SNAP25: variants seen among roughly 807,000 people sequenced by gnomAD.
SNAP25 encodes the protein synaptosome associated protein 25, also known as synaptosomal-associated protein 25.
A neutral mutation model predicts 28.7 loss-of-function variants in SNAP25; 3 were observed. The ratio of observed to expected loss-of-function variants is 0.10; its 90% CI spans 0.05 to 0.27. The LOEUF (loss-of-function observed/expected upper bound fraction) is 0.27, where lower values mean the gene tolerates loss of function less well. Ranked by LOEUF, SNAP25 falls within the 10% of genes least tolerant of loss-of-function variation. The probability of loss-of-function intolerance (pLI) is 1.00; values close to 1 mark genes in which losing one functional copy is unlikely to be tolerated. For missense variants in SNAP25, 117 were observed against 278.7 expected (o/e 0.42, Z 4.13); for synonymous variants, 61 against 88.1 (o/e 0.69, Z 1.72).
Position 10,306,620 on chromosome 20 carries a change from C to T in SNAP25, c.*423C>T, listed in dbSNP as rs192258967. The stretch of plus-strand genomic sequence containing the variant: ...AGGCTCTGAATCTCTCAAAATGTGC[C>T]GTCTTTGGTTCCTCATGGCTGTTAT... On this transcript the variant is annotated 3_prime_UTR_variant, in exon 8 of 8. Transcript: ENST00000254976. The T allele has an allele frequency of 1.2e-3, 189 of 156,536 alleles. 1 individual carries two copies. The highest frequency in any genetic ancestry group is 2.3e-3 in the Non-Finnish European group (160 of 70,732). 9.7% of individuals were successfully genotyped at this position (156,536 alleles called of 1,614,324 possible).
intron 3 of SNAP25, among the ~76,000 whole-genome samples, chr20:10,284,458 G>A (rs2123062005): frequency 6.6e-6 from 1 of 152,212 alleles, no homozygotes; most frequent in South Asian, 2.1e-4. Context: ...CTGATTTCAT[G>A]CAGGCCCCAC....
rs2064308939 is a variant in SNAP25, at chr20:10,304,436, TGA to T, written c.553-1692_553-1691del. Among the ~76,000 whole-genome samples the T allele has an allele frequency of 2.0e-5, 3 of 152,188 alleles. 1 individual carries two copies. The highest frequency in any genetic ancestry group is 2.0e-4 in the Admixed American group (3 of 15,280). ...GCCTACTGTTGACTGGAAGCCTTAATGACATAAAAAGTCCATTAACATCTATG... is the reference window on the plus strand; with the variant it reads ...GCCTACTGTTGACTGGAAGCCTTAATCATAAAAAGTCCATTAACATCTATG... On this transcript the variant is annotated intron_variant, in intron 7 of 7. Transcript: ENST00000254976.
chr20:10,298,888 TAGAA>T (rs2064170642), intron 6 of SNAP25, among the ~76,000 whole-genome samples: 1 of 152,210 alleles, frequency 6.6e-6, no homozygotes, highest in Non-Finnish European at 1.5e-5. Context: ...AGAATATTCT[TAGAA>T]AGAAGAATAT....
chr20:10,292,958 T>G, intron 4 of SNAP25: 2 of 1,613,580 alleles, frequency 1.2e-6, no homozygotes, highest in South Asian at 2.2e-5. Flanking sequence ...ATTTAAAAGA[T>G]TTAGGGAAAT....
At chr20:10,287,470 C>T (rs1157557652) in intron 4 of SNAP25, among the ~76,000 whole-genome samples, 2 of 150,344 alleles carry the variant, frequency 1.3e-5, no homozygotes, top group Admixed American at 6.6e-5. Flanking sequence ...TACCATCTCA[C>T]ACCAGTTAGA....
At chr20:10,233,319 C>G (rs2062858498) in intron 1 of SNAP25, among the ~76,000 whole-genome samples, 1 of 149,134 alleles carries the variant, frequency 6.7e-6, no homozygotes, top group African/African-American at 2.6e-5. Flanking sequence ...AGATTCCTTC[C>G]AGACCTGCTT....
intron 3 of SNAP25, 105 bp downstream of exon 3, chr20:10,277,831 A>G (rs2063716807): frequency 7.6e-6 from 8 of 1,055,538 alleles, no homozygotes; most frequent in Non-Finnish European, 1.2e-5. Flanking sequence ...CCTAGATTCC[A>G]GTGTGGATGT....
intron 1 of SNAP25, among the ~76,000 whole-genome samples, chr20:10,228,696 C>T (rs1043433184): frequency 1.3e-5 from 2 of 152,104 alleles, no homozygotes; most frequent in Admixed American, 6.5e-5. Context: ...AAGTGGTTGT[C>T]GTGAGACCTA....
chr20:10,257,285 A>T (rs966438257), intron 1 of SNAP25, among the ~76,000 whole-genome samples: 1 of 152,228 alleles, frequency 6.6e-6, no homozygotes, highest in African/African-American at 2.4e-5. Flanking sequence ...GCAAAAAGAC[A>T]TTCACCTGGC....
At chr20:10,227,761 A>T (rs551174579) in intron 1 of SNAP25, among the ~76,000 whole-genome samples, 4 of 152,192 alleles carry the variant, frequency 2.6e-5, no homozygotes, top group African/African-American at 9.6e-5. Flanking sequence ...TTTAGCATAT[A>T]TGAATTATAA....
At chr20:10,254,992 G>A (rs376456488) in intron 1 of SNAP25, among the ~76,000 whole-genome samples, 3 of 152,242 alleles carry the variant, frequency 2.0e-5, no homozygotes, top group East Asian at 1.9e-4. Context: ...AAAGATTGAT[G>A]GGACACAATG....
At chr20:10,246,902 G>C (rs568035572) in intron 1 of SNAP25, among the ~76,000 whole-genome samples, 1 of 152,256 alleles carries the variant, frequency 6.6e-6, no homozygotes, top group Admixed American at 6.5e-5. Flanking sequence ...AAGGTTAACA[G>C]CCTGAGACCT....
At chr20:10,252,719 T>C (rs887999977) in intron 1 of SNAP25, among the ~76,000 whole-genome samples, 2 of 151,818 alleles carry the variant, frequency 1.3e-5, no homozygotes, top group South Asian at 4.2e-4. Flanking sequence ...GCAGTCCTAT[T>C]AGAAAATGTT....
In SNAP25 at chr20:10,297,004, G is replaced by C. The variant is rs767613001; in HGVS notation, c.361G>C (p.Val121Leu). 2 of 1,612,228 alleles carry C rather than the reference G, an allele frequency of 1.2e-6. No individual in the cohort carries two copies. Among genetic ancestry groups the C allele is most frequent in the Middle Eastern group, 1.6e-4 (1 of 6,070 alleles). ...GGTGGCCAGCCAGCCTGCTCGTGTA[G>C]TGGACGAACGGGAGCAGATGGCCAT... ...GVVASQPARV[V>L]DEREQMAISG... is the part of the protein sequence containing the mutation. Residue 121 changes from valine (V) to leucine (L), a missense_variant, in exon 6 of 8, where the codon GTG becomes CTG. By Grantham distance (32) the Val-to-Leu change is conservative. This residue lies in a region of SNAP25 where 88 missense variants were observed against 206.9 expected (regional missense o/e 0.43). Coordinates refer to ENST00000254976, the MANE Select transcript of SNAP25 (RefSeq NM_130811.4).
chr20:10,279,065 G>A (rs926680411), intron 3 of SNAP25, among the ~76,000 whole-genome samples: 6 of 152,204 alleles, frequency 3.9e-5, no homozygotes, highest in African/African-American at 1.4e-4. Flanking sequence ...GGGAAGCAGC[G>A]TTCTGTCTAA....
chr20:10,283,090 T>G (rs1365562251), intron 3 of SNAP25, among the ~76,000 whole-genome samples: 1 of 152,204 alleles, frequency 6.6e-6, no homozygotes, highest in Admixed American at 6.5e-5. Context: ...CATTCCAGTT[T>G]GAAAAGTAGT....
intron 1 of SNAP25, among the ~76,000 whole-genome samples, chr20:10,266,968 A>G (rs1016427578): frequency 2.6e-5 from 4 of 152,164 alleles, no homozygotes; most frequent in Non-Finnish European, 4.4e-5. Flanking sequence ...TTCTTTTCAG[A>G]CACAAATTAA....
At chr20:10,258,795 C>T (rs1225597705) in intron 1 of SNAP25, among the ~76,000 whole-genome samples, 2 of 152,202 alleles carry the variant, frequency 1.3e-5, no homozygotes, top group Non-Finnish European at 2.9e-5. Flanking sequence ...TTCAGAGACA[C>T]TTTATCATCA....
chr20:10,276,111 A>G (rs2063686533), intron 2 of SNAP25, among the ~76,000 whole-genome samples: 1 of 152,308 alleles, frequency 6.6e-6, no homozygotes, highest in East Asian at 1.9e-4. Context: ...ATGTGTTACC[A>G]TGTGTCTTTC....
Sources: gnomAD v4.1 joint callset for allele counts (sites outside exome capture counted in the v4.1 genomes callset) on GRCh38, gnomAD v4.1.1 for gene constraint, gnomAD v4.1.1 regional missense constraint, MANE v1.5 for transcripts, NCBI Gene and HGNC (gene_info 2026-07-23, HGNC 2026-07-21) for gene names.